The following SF3B3 variants were observed in gnomAD, a reference collection of about 807,000 sequenced individuals.
SF3B3 encodes the protein SAP 130.
In SF3B3, 33 loss-of-function variants were observed where a neutral mutation model predicts 139.2. The ratio of observed to expected loss-of-function variants is 0.24; its 90% CI spans 0.18 to 0.32. SF3B3 has a LOEUF of 0.32. Among genes scored for constraint, SF3B3 ranks in the 10% least tolerant of loss-of-function variants. SF3B3 has a pLI of 1.00. For missense variants in SF3B3, 818 were observed against 1,509.4 expected (o/e 0.54, Z 7.59); for synonymous variants, 596 against 563.6 (o/e 1.06, Z -0.81).
Position 70,565,283 on chromosome 16 carries a change from G to T in SF3B3, c.2669+13G>T, listed in dbSNP as rs762702318. On this transcript the variant is annotated intron_variant, in intron 19 of 25. Coordinates refer to ENST00000302516, the MANE Select transcript of SF3B3 (RefSeq NM_012426.5). ...AGGCAGCTTTTAGGTAAGCAGCCCA[G>T]GACAGTCCAGGGTTTGGCAGGCTGG... 1 of 1,614,002 alleles carries T rather than the reference G, an allele frequency of 6.2e-7. No homozygotes were observed. The highest frequency in any genetic ancestry group is 8.5e-7 in the Non-Finnish European group (1 of 1,179,984).
At chr16:70,548,545 C>A in intron 11 of SF3B3, 103 bp downstream of exon 11, 1 of 987,944 alleles carries the variant, frequency 1.0e-6, no homozygotes, top group Non-Finnish European at 1.6e-6. Context: ...TTTCATTTAG[C>A]ACCATATACC....
chr16:70,569,280 C>T (rs907239720), intron 23 of SF3B3, 139 bp downstream of exon 23: 15 of 582,884 alleles, frequency 2.6e-5, no homozygotes, highest in Admixed American at 1.9e-4. Context: ...TCCTTTCTTA[C>T]CAATCTGCAA....
At chr16:70,557,145 A>G in intron 15 of SF3B3, 116 bp downstream of exon 15, 1 of 1,095,200 alleles carries the variant, frequency 9.1e-7, no homozygotes, top group South Asian at 1.7e-5. Flanking sequence ...CACCTTATGA[A>G]AAGTGAACAG....
In SF3B3 at chr16:70,572,233, A is replaced by G. The variant is rs2050536502; in HGVS notation, c.*420A>G. On this transcript the variant is annotated 3_prime_UTR_variant, in exon 26 of 26. Coordinates refer to ENST00000302516, the MANE Select transcript of SF3B3 (RefSeq NM_012426.5). Reference sequence around the variant, plus strand: ...GCTGTGGTGGGACTGGGTAGGGTATAGTATCACTCCTGAGTTCCACTGCTC... The same window carrying G: ...GCTGTGGTGGGACTGGGTAGGGTATGGTATCACTCCTGAGTTCCACTGCTC... 2 of 420,046 alleles carry G rather than the reference A, an allele frequency of 4.8e-6. No individual in the cohort carries two copies. The highest frequency in any genetic ancestry group is 2.1e-5 in the African/African-American group (1 of 48,626). The allele number at this position is 420,046 out of a possible 1,614,324, so 26.0% of individuals were successfully genotyped here.
chr16:70,555,513 G>A (rs1053385678), intron 13 of SF3B3, among the ~76,000 whole-genome samples: 1 of 148,806 alleles, frequency 6.7e-6, no homozygotes, highest in Non-Finnish European at 1.5e-5. Flanking sequence ...GAGCTGGAGT[G>A]ACAGTGTTCA....
chr16:70,532,572 C>T lies in SF3B3; in HGVS notation c.664C>T (p.Arg222Ter), dbSNP rs1460408575. 6.2e-7 allele frequency: 1 copy of T among 1,614,000 alleles called. No individual in the cohort carries two copies. Among genetic ancestry groups the T allele is most frequent in the Non-Finnish European group, 8.5e-7 (1 of 1,179,964 alleles). The change falls in exon 5 of 26, where the codon CGA becomes TGA. Residue 222 changes from arginine (R) to a stop codon, truncating the protein, a stop_gained. Transcript: ENST00000302516. LOFTEE classifies it high-confidence loss of function. ...ELDLGLNHVV[R>*]KYSEPLEEHG... Reference sequence around the variant, plus strand: ...AGACCTTGGTTTAAATCATGTGGTCCGAAAATACAGTGAACCTTTGGAGGA... The same window carrying T: ...AGACCTTGGTTTAAATCATGTGGTCTGAAAATACAGTGAACCTTTGGAGGA...
At chr16:70,568,910 C>T (rs2050502311) in intron 22 of SF3B3, 133 bp from the exon 23 acceptor site, 2 of 610,186 alleles carry the variant, frequency 3.3e-6, no homozygotes, top group East Asian at 2.8e-5. Context: ...AGGTGCAGGA[C>T]ACGTGGGCTC....
chr16:70,554,477 C>T lies in SF3B3; in HGVS notation c.1434C>T (p.Phe478=), dbSNP rs1268478591. The change falls in exon 12 of 26, where the codon TTC becomes TTT. Residue 478 remains phenylalanine (F), a synonymous_variant. Coordinates refer to ENST00000302516, the MANE Select transcript of SF3B3 (RefSeq NM_012426.5). ...DEFDAYIIVS[F]VNATLVLSIG... Reference sequence around the variant, plus strand: ...TTGATGCCTACATCATTGTGTCTTTCGTGAATGCCACCCTAGTGTTGTCCA... The same window carrying T: ...TTGATGCCTACATCATTGTGTCTTTTGTGAATGCCACCCTAGTGTTGTCCA... 7 of 1,614,014 alleles carry T rather than the reference C, an allele frequency of 4.3e-6. No homozygotes were observed. Among genetic ancestry groups the T allele is most frequent in the East Asian group, 4.5e-5 (2 of 44,894 alleles).
chr16:70,529,586 C>A, intron 3 of SF3B3: 1 of 204,526 alleles, frequency 4.9e-6, no homozygotes, highest in South Asian at 9.1e-5. Flanking sequence ...TCTGATCAGG[C>A]CTCTAGAGGG....
At chr16:70,554,269 C>T (rs930982326) in intron 11 of SF3B3, 177 bp from the exon 12 acceptor site, 3 of 559,650 alleles carry the variant, frequency 5.4e-6, no homozygotes, top group Middle Eastern at 4.4e-4. Context: ...CTCTTCTGAC[C>T]CCTAGTTTTC....
intron 15 of SF3B3, 125 bp from the exon 16 acceptor site, chr16:70,560,344 T>A: frequency 1.0e-6 from 1 of 995,430 alleles, no homozygotes; most frequent in Non-Finnish European, 1.4e-6. Context: ...GGATCTTTTT[T>A]AAACACCCAA....
chr16:70,525,885 C>T lies in SF3B3; in HGVS notation c.-70-702C>T, dbSNP rs779950659. On this transcript the variant is annotated intron_variant, in intron 1 of 25. Transcript: ENST00000302516. ...CTGAGGCAGGAGAATGGTGTGAACC[C>T]AGGAGGCGGAGCTTGCAGTAAGCCA... Among the ~76,000 whole-genome samples, 14 of 143,998 alleles carry T rather than the reference C, an allele frequency of 9.7e-5. No individual in the cohort carries two copies. In the South Asian group the frequency reaches 1.3e-3, roughly 13 times the overall value. 94.5% of individuals were successfully genotyped at this position (143,998 alleles called of 152,430 possible). A position where few individuals can be genotyped will look rare whatever the true frequency, so the allele number is the denominator to read the frequency against.
intron 3 of SF3B3, among the ~76,000 whole-genome samples, chr16:70,530,518 T>C (rs73573175): frequency 0.12 from 18,170 of 151,866 alleles, 3,603 homozygotes; most frequent in African/African-American, 0.41. Context: ...AAGGTTTTAC[T>C]GTGTTAGTCA....
chr16:70,528,107 C>T (rs2050082149), intron 2 of SF3B3, among the ~76,000 whole-genome samples: 1 of 150,664 alleles, frequency 6.6e-6, no homozygotes, highest in Middle Eastern at 3.2e-3. Flanking sequence ...TTTTATCTTT[C>T]AAATTCCTTT....
intron 1 of SF3B3, among the ~76,000 whole-genome samples, chr16:70,526,017 A>G (rs1373168252): frequency 6.6e-6 from 1 of 151,604 alleles, no homozygotes; most frequent in Non-Finnish European, 1.5e-5. Flanking sequence ...TCAAGTAGAA[A>G]ATTTTATATC....
chr16:70,535,743 C>T (rs2050159833), intron 6 of SF3B3, among the ~76,000 whole-genome samples: 1 of 149,718 alleles, frequency 6.7e-6, no homozygotes, highest in African/African-American at 2.5e-5. Flanking sequence ...GCCTTTTATT[C>T]TATTTGGTTT....
Position 70,565,277 on chromosome 16 carries a change from AGCCCAG to A in SF3B3, c.2669+9_2669+14del, listed in dbSNP as rs2050464566. ...AGAATGAGGCAGCTTTTAGGTAAGC[AGCCCAG>A]GACAGTCCAGGGTTTGGCAGGCTGG... On this transcript the variant is annotated splice_region_variant and intron_variant, in intron 19 of 25. Coordinates refer to ENST00000302516, the MANE Select transcript of SF3B3 (RefSeq NM_012426.5). The A allele has an allele frequency of 6.2e-7, 1 of 1,613,980 alleles. No homozygotes were observed. The highest frequency in any genetic ancestry group is 1.3e-5 in the African/African-American group (1 of 74,914).
chr16:70,530,314 CTT>C (rs559650893), intron 3 of SF3B3, among the ~76,000 whole-genome samples: 16 of 125,980 alleles, frequency 1.3e-4, no homozygotes, highest in Admixed American at 7.9e-4. Context: ...ATTGTCTATT[CTT>C]TTTTTTTTTT....
intron 2 of SF3B3, among the ~76,000 whole-genome samples, chr16:70,527,906 G>T (rs1459547529): frequency 5.3e-5 from 8 of 152,068 alleles, no homozygotes; most frequent in African/African-American, 1.9e-4. Context: ...CTCCTGAGTA[G>T]CTGGGATTAC....
Sources: gnomAD v4.1 joint callset for allele counts (sites outside exome capture counted in the v4.1 genomes callset) on GRCh38, gnomAD v4.1.1 for gene constraint, MANE v1.5 for transcripts, NCBI Gene and HGNC (gene_info 2026-07-23, HGNC 2026-07-21) for gene names.